The following DOK6 variants were observed in gnomAD, a reference collection of about 807,000 sequenced individuals.
DOK6 encodes downstream of tyrosine kinase 6.
In DOK6, 22 loss-of-function variants were observed where a neutral mutation model predicts 44.0. The observed-to-expected ratio is 0.50, with a 90% confidence interval of 0.36 to 0.71. The LOEUF (loss-of-function observed/expected upper bound fraction) is 0.71. DOK6 is among the 30% of genes least tolerant of loss of function. DOK6 has a pLI of 0.00. For missense variants in DOK6, 340 were observed against 416.4 expected (o/e 0.82, Z 1.60); for synonymous variants, 166 against 145.5 (o/e 1.14, Z -1.01).
intron 3 of DOK6, among the ~76,000 whole-genome samples, chr18:69,631,788 C>T (rs773527213): frequency 2.4e-4 from 36 of 152,186 alleles, no homozygotes; most frequent in Admixed American, 4.6e-4. Context: ...ATGTGTACAT[C>T]CATTAGACAA....
intron 2 of DOK6, among the ~76,000 whole-genome samples, chr18:69,596,505 T>A (rs1401760861): frequency 6.6e-6 from 1 of 152,114 alleles, no homozygotes; most frequent in Admixed American, 6.5e-5. Flanking sequence ...GCTCTTCACT[T>A]ACAAAGGAAC....
In DOK6 at chr18:69,447,425, G is replaced by T. The variant is rs896702765; in HGVS notation, c.66+46115G>T. Among the ~76,000 whole-genome samples the T allele has an allele frequency of 1.2e-4, 19 of 152,088 alleles. No individual in the cohort carries two copies. The East Asian group carries it at 3.5e-3, about 28-fold the overall frequency. On this transcript the variant is annotated intron_variant, in intron 1 of 7. Transcript: ENST00000382713. ...TTCCATTGGTCTATATCTCTGTTTT[G>T]GTACCAGTACCATGCTGTTTTGGTT... is the stretch of plus-strand genomic sequence containing the variant.
At chr18:69,681,507 G>T (rs764170162) in intron 4 of DOK6, among the ~76,000 whole-genome samples, 3 of 152,074 alleles carry the variant, frequency 2.0e-5, no homozygotes, top group Non-Finnish European at 4.4e-5. Context: ...ACATGGTATG[G>T]GGAAAGTTAC....
chr18:69,794,865 T>C (rs1980700313), intron 7 of DOK6, among the ~76,000 whole-genome samples: 1 of 152,170 alleles, frequency 6.6e-6, no homozygotes, highest in Non-Finnish European at 1.5e-5. Flanking sequence ...TTAGGCTCCG[T>C]GCTCCTTATG....
At chr18:69,654,463 T>C (rs968872186) in intron 3 of DOK6, among the ~76,000 whole-genome samples, 1 of 152,192 alleles carries the variant, frequency 6.6e-6, no homozygotes, top group African/African-American at 2.4e-5. Context: ...AAGTTAGGGC[T>C]CTGGACTTGA....
At chr18:69,445,534 G>A (rs878861471) in intron 1 of DOK6, among the ~76,000 whole-genome samples, 1 of 151,460 alleles carries the variant, frequency 6.6e-6, no homozygotes, top group Admixed American at 6.6e-5. Context: ...TGCTTTTTTT[G>A]GGGGGGGATT....
intron 2 of DOK6, among the ~76,000 whole-genome samples, chr18:69,589,953 G>A (rs1316728350): frequency 1.3e-5 from 2 of 152,132 alleles, no homozygotes; most frequent in Non-Finnish European, 2.9e-5. Context: ...TTGAAGCAAA[G>A]TTTCTCTCTG....
At chr18:69,685,595 A>G (rs1054057478) in intron 4 of DOK6, among the ~76,000 whole-genome samples, 1 of 152,222 alleles carries the variant, frequency 6.6e-6, no homozygotes, top group Non-Finnish European at 1.5e-5. Context: ...ACACCTACAA[A>G]GTAAATATCT....
chr18:69,513,286 AG>A (rs1390889125), intron 1 of DOK6, among the ~76,000 whole-genome samples: 1 of 152,240 alleles, frequency 6.6e-6, no homozygotes, highest in African/African-American at 2.4e-5. Context: ...TTTGGTCAAA[AG>A]CTTAAGCTAA....
At chr18:69,729,055 C>T (rs1455834756) in intron 5 of DOK6, among the ~76,000 whole-genome samples, 1 of 152,124 alleles carries the variant, frequency 6.6e-6, no homozygotes, top group Non-Finnish European at 1.5e-5. Flanking sequence ...GATCTACAAG[C>T]TCTGTTAATT....
At chr18:69,824,168 T>C (rs1398838155) in intron 7 of DOK6, among the ~76,000 whole-genome samples, 4 of 147,942 alleles carry the variant, frequency 2.7e-5, no homozygotes, top group Admixed American at 6.8e-5. Context: ...TAACATTAGG[T>C]ATATCTCCTA....
At chr18:69,527,459 C>T (rs865939552) in intron 1 of DOK6, among the ~76,000 whole-genome samples, 21 of 152,266 alleles carry the variant, frequency 1.4e-4, no homozygotes, top group South Asian at 6.2e-4. Flanking sequence ...AAACCATCAG[C>T]TCTCCTGAGA....
intron 1 of DOK6, among the ~76,000 whole-genome samples, chr18:69,512,609 G>T (rs1192879270): frequency 6.6e-6 from 1 of 152,098 alleles, no homozygotes; most frequent in African/African-American, 2.4e-5. Flanking sequence ...CTCCAAAAGT[G>T]CTGGGATTAC....
rs1246684554 is a variant in DOK6 at position 69,435,025 on chromosome 18, G to GGGAAGGAAGGAAGGACGGAC, written c.66+33730_66+33731insCGGACGGAAGGAAGGAAGGA. Among the ~76,000 whole-genome samples, 294 of 72,328 alleles carry GGGAAGGAAGGAAGGACGGAC rather than the reference G, an allele frequency of 4.1e-3. 10 individuals carry two copies. The highest frequency in any genetic ancestry group is 9.1e-3 in the South Asian group (14 of 1,532). The allele number at this position is 72,328 out of a possible 152,430, so 47.4% of individuals were successfully genotyped here. A position where few individuals can be genotyped will look rare whatever the true frequency, so the allele number is the denominator to read the frequency against. On this transcript the variant is annotated intron_variant, in intron 1 of 7. Coordinates refer to ENST00000382713, the MANE Select transcript of DOK6 (RefSeq NM_152721.6). ...GAAGAAAGATTAGTGTAGGGAGGGAGGGAAGGAAGGAAGGAAGGAAGGAAG... is the reference window on the plus strand; with the variant it reads ...GAAGAAAGATTAGTGTAGGGAGGGAGGGAAGGAAGGAAGGACGGACGGAAGGAAGGAAGGAAGGAAGGAAG...
At chr18:69,590,818 G>A (rs1013757175) in intron 2 of DOK6, among the ~76,000 whole-genome samples, 4 of 152,108 alleles carry the variant, frequency 2.6e-5, no homozygotes, top group Non-Finnish European at 4.4e-5. Flanking sequence ...AATGTGAAGA[G>A]GAAGGAATAG....
At chr18:69,642,076 T>C (rs4591255) in intron 3 of DOK6, among the ~76,000 whole-genome samples, 50,051 of 152,120 alleles carry the variant, frequency 0.33, 9,254 homozygotes, top group Non-Finnish European at 0.42. Flanking sequence ...GCAGTTAATA[T>C]TTATCTTGTT....
chr18:69,405,997 C>G (rs552329619), intron 1 of DOK6, among the ~76,000 whole-genome samples: 1 of 152,264 alleles, frequency 6.6e-6, no homozygotes, highest in South Asian at 2.1e-4. Context: ...GTTTATTTAT[C>G]ATTTGTATAT....
intron 2 of DOK6, among the ~76,000 whole-genome samples, chr18:69,589,009 T>A (rs2144615441): frequency 6.6e-6 from 1 of 152,180 alleles, no homozygotes; most frequent in South Asian, 2.1e-4. Flanking sequence ...TCTTTTTTTG[T>A]ACACATTCAT....
At chr18:69,525,911 G>A (rs1011944997) in intron 1 of DOK6, among the ~76,000 whole-genome samples, 1 of 151,994 alleles carries the variant, frequency 6.6e-6, no homozygotes, top group Non-Finnish European at 1.5e-5. Context: ...CCTGTGACCT[G>A]TATTTGTATG....
Sources: gnomAD v4.1 joint callset for allele counts (sites outside exome capture counted in the v4.1 genomes callset) on GRCh38, gnomAD v4.1.1 for gene constraint, MANE v1.5 for transcripts, NCBI Gene and HGNC (gene_info 2026-07-23, HGNC 2026-07-21) for gene names.